The following ZNF251 variants were observed in gnomAD, a reference collection of about 807,000 sequenced individuals.
ZNF251 encodes zinc finger protein 251.
ZNF251 carries 14 observed loss-of-function variants against 13.5 expected under a neutral mutation model. The observed-to-expected ratio is 1.04, with a 90% confidence interval of 0.69 to 1.63. ZNF251 has a LOEUF of 1.63. Among genes scored for constraint, ZNF251 ranks in the 40% most tolerant of loss-of-function variants. ZNF251 has a pLI of 0.00. For missense variants in ZNF251, 764 were observed against 834.9 expected (o/e 0.92, Z 1.05); for synonymous variants, 287 against 295.2 (o/e 0.97, Z 0.28).
chr8:144,750,094 C>T (rs907676316), intron 4 of ZNF251, among the ~76,000 whole-genome samples: 1 of 151,860 alleles, frequency 6.6e-6, no homozygotes, highest in African/African-American at 2.4e-5. Flanking sequence ...GCCCTCAGCA[C>T]GTTAATCATA....
intron 4 of ZNF251, among the ~76,000 whole-genome samples, chr8:144,724,238 G>A (rs2129925764): frequency 7.0e-6 from 1 of 143,732 alleles, no homozygotes; most frequent in African/African-American, 2.6e-5. Flanking sequence ...CTCCAGCCCG[G>A]GCAACAGAGC....
intron 4 of ZNF251, among the ~76,000 whole-genome samples, chr8:144,732,790 C>A (rs377126285): frequency 1.0e-4 from 14 of 134,040 alleles, no homozygotes; most frequent in East Asian, 4.5e-4. Context: ...CCAGCCTGGG[C>A]GACAGAGCGA....
chr8:144,755,397 T>C lies in ZNF251; in HGVS notation c.-76+8A>G. 2 of 1,288,290 alleles carry C rather than the reference T, an allele frequency of 1.6e-6. No homozygotes were observed. Among genetic ancestry groups the C allele is most frequent in the Non-Finnish European group, 2.0e-6 (2 of 988,778 alleles). 79.8% of individuals were successfully genotyped at this position (1,288,290 alleles called of 1,614,324 possible). A position where few individuals can be genotyped will look rare whatever the true frequency, so the allele number is the denominator to read the frequency against. On this transcript the variant is annotated splice_region_variant and intron_variant, in intron 1 of 4. Coordinates refer to ENST00000292562, the MANE Select transcript of ZNF251 (RefSeq NM_138367.2). ...TTGGCGCTCCTTCCTGGTCCGACAC[T>C]GCCCCACCTGTTTGCTCGACCCGGG... is the stretch of plus-strand genomic sequence containing the variant.
intron 4 of ZNF251, among the ~76,000 whole-genome samples, chr8:144,741,896 G>A (rs1409025137): frequency 2.0e-5 from 3 of 152,162 alleles, no homozygotes; most frequent in African/African-American, 4.8e-5. Flanking sequence ...TATCTCAGGA[G>A]ACCAGAGAGA....
chr8:144,753,475 T>C, intron 4 of ZNF251: 1 of 538,392 alleles, frequency 1.9e-6, no homozygotes, highest in Non-Finnish European at 3.3e-6. Context: ...GTAGTATATA[T>C]ATATTTTTAA....
intron 4 of ZNF251, among the ~76,000 whole-genome samples, chr8:144,751,153 C>T (rs1824675573): frequency 1.3e-5 from 2 of 152,112 alleles, no homozygotes; most frequent in African/African-American, 2.4e-5. Context: ...CCGGCCATAC[C>T]TCTCCAATTT....
At chr8:144,751,305 CTATT>C (rs1824682158) in intron 4 of ZNF251, among the ~76,000 whole-genome samples, 2 of 152,300 alleles carry the variant, frequency 1.3e-5, no homozygotes, top group South Asian at 4.1e-4. Context: ...AGCTAAAATA[CTATT>C]TATTTGGCCT....
At position 144,754,874 on chromosome 8, in the gene ZNF251, C is replaced by A. The variant is rs887123793; in HGVS notation, c.-75-71G>T. On this transcript the variant is annotated intron_variant, in intron 1 of 4. Coordinates refer to ENST00000292562, the MANE Select transcript of ZNF251 (RefSeq NM_138367.2). ...TGGAAGGATGGCCAGGAGGCAGAAG[C>A]TGATTGCTGCTGTGGCCTCCTGGGT... The A allele has an allele frequency of 3.4e-6, 5 of 1,466,504 alleles. No individual in the cohort carries two copies. In the African/African-American group the frequency reaches 5.7e-5, roughly 17 times the overall value. 90.8% of individuals were successfully genotyped at this position (1,466,504 alleles called of 1,614,324 possible).
chr8:144,736,455 TTTTATTTATTTATTTATTTATTTATTTA>T (rs71297475), intron 4 of ZNF251, among the ~76,000 whole-genome samples: 7 of 142,290 alleles, frequency 4.9e-5, no homozygotes, highest in African/African-American at 1.8e-4. Context: ...CCTTCCTTTA[TTTTATTTATTTATTTATTTATTTATTTA>T]TTTATTTATT....
In ZNF251 at chr8:144,722,844, T is replaced by C. The variant is rs1563753724; in HGVS notation, c.816A>G (p.Lys272=). 5 of 1,613,988 alleles carry C rather than the reference T, an allele frequency of 3.1e-6. No homozygotes were observed. The highest frequency in any genetic ancestry group is 4.2e-6 in the Non-Finnish European group (5 of 1,179,886). ...NKPFKCDECG[K]TFGLNSHLRL... is the part of the protein sequence containing the mutation. ...GGAGGTGAGAATTGAGTCCAAAAGTTTTCCCACATTCATCACATTTAAATG... is the reference window on the plus strand; with the variant it reads ...GGAGGTGAGAATTGAGTCCAAAAGTCTTCCCACATTCATCACATTTAAATG... The change falls in exon 5 of 5, where the codon AAA becomes AAG. Residue 272 remains lysine, a synonymous_variant. Coordinates refer to ENST00000292562, the MANE Select transcript of ZNF251 (RefSeq NM_138367.2). The surrounding 1 kb of genome is among the most constrained non-coding windows in gnomAD (Gnocchi z 4.8).
At chr8:144,732,117 A>AT (rs1267390685) in intron 4 of ZNF251, among the ~76,000 whole-genome samples, 16 of 151,358 alleles carry the variant, frequency 1.1e-4, no homozygotes, top group Non-Finnish European at 2.2e-4. Flanking sequence ...TAATTTTTTT[A>AT]TTTTTTTGTA....
chr8:144,732,569 T>A (rs1350745132), intron 4 of ZNF251, among the ~76,000 whole-genome samples: 1 of 151,968 alleles, frequency 6.6e-6, no homozygotes, highest in Admixed American at 6.6e-5. Context: ...TCCCAGCACT[T>A]GGGGAGGCCA....
At position 144,723,144 on chromosome 8, in the gene ZNF251, C is replaced by T. The variant is rs1586678225; in HGVS notation, c.516G>A (p.Arg172=). Residue 172 remains arginine, a synonymous_variant, in exon 5 of 5, where the codon AGG becomes AGA. Transcript: ENST00000292562. The part of the protein sequence containing the change: ...KRVLTEATVG[R]ERSLGERTQE... ...GGGTTCTTTCTCCCAAAGATCTTTC[C>T]CTGCCCACGGTAGCTTCTGTTAAAA... is the stretch of plus-strand genomic sequence containing the variant. 1 of 1,613,406 alleles carries T rather than the reference C, an allele frequency of 6.2e-7. No homozygotes were observed. Among genetic ancestry groups the T allele is most frequent in the Non-Finnish European group, 8.5e-7 (1 of 1,179,576 alleles).
At chr8:144,747,372 T>C (rs1210623623) in intron 4 of ZNF251, among the ~76,000 whole-genome samples, 1 of 152,232 alleles carries the variant, frequency 6.6e-6, no homozygotes, top group African/African-American at 2.4e-5. Context: ...TGGCCCAGAA[T>C]GTGGTCTATC....
chr8:144,753,631 T>C (rs1486024550), intron 4 of ZNF251, 52 bp downstream of exon 4: 38 of 1,465,460 alleles, frequency 2.6e-5, no homozygotes, highest in Non-Finnish European at 3.4e-5. Flanking sequence ...TGGAGCCTCT[T>C]AAGGCAGGAT....
intron 4 of ZNF251, among the ~76,000 whole-genome samples, chr8:144,746,428 G>A (rs1824432803): frequency 6.6e-6 from 1 of 152,220 alleles, no homozygotes; most frequent in Non-Finnish European, 1.5e-5. Flanking sequence ...ATGTTCATAA[G>A]AGGTGTCTGT....
intron 1 of ZNF251, 173 bp downstream of exon 1, chr8:144,755,232 C>A: frequency 1.7e-6 from 2 of 1,187,056 alleles, no homozygotes; most frequent in Non-Finnish European, 2.1e-6. Context: ...TCAGTCCAGC[C>A]TTCTAGGGCC....
At position 144,734,062 on chromosome 8, in the gene ZNF251, G is replaced by A. The variant is rs1823806506; in HGVS notation, c.278-10680C>T. On this transcript the variant is annotated intron_variant, in intron 4 of 4. Coordinates refer to ENST00000292562, the MANE Select transcript of ZNF251 (RefSeq NM_138367.2). This position sits in a 1 kb window ranked among gnomAD's most constrained non-coding sequence, Gnocchi z 4.4. ...ACTGTGCAGCCTGAATGACTGTTGG[G>A]CAGGTAAGCGTGGCTCTGTGTTTCC... 6.6e-6 allele frequency among the ~76,000 whole-genome samples: 1 copy of A among 152,188 alleles called. No homozygotes were observed. The highest frequency in any genetic ancestry group is 6.5e-5 in the Admixed American group (1 of 15,276).
chr8:144,753,423 T>C (rs1824794982), intron 4 of ZNF251: 4 of 405,674 alleles, frequency 9.9e-6, no homozygotes, highest in Non-Finnish European at 1.7e-5. Flanking sequence ...GGGAATGAAG[T>C]TGTTATCAAG....
Sources: allele counts gnomAD v4.1 joint callset (sites outside exome capture counted in the v4.1 genomes callset), GRCh38; gene constraint gnomAD v4.1.1; non-coding constraint Gnocchi (gnomAD v3.1); transcripts MANE v1.5; gene names NCBI Gene and HGNC (gene_info 2026-07-23, HGNC 2026-07-21).